The following CHD1L variants were observed in gnomAD, a reference collection of about 807,000 sequenced individuals.
CHD1L encodes chromodomain helicase DNA binding protein 1 like.
In CHD1L, 118 loss-of-function variants were observed where a neutral mutation model predicts 115.9. The ratio of observed to expected loss-of-function variants is 1.02; its 90% CI spans 0.88 to 1.19. The LOEUF is 1.19. Among genes scored for constraint, CHD1L ranks in the 50% most tolerant of loss-of-function variants. The pLI is 0.00. For synonymous variants in CHD1L, 411 were observed against 387.1 expected (o/e 1.06, Z -0.72); for missense variants, 1,179 against 1,065.3 (o/e 1.11, Z -1.49).
At chr1:147,254,433 C>T (rs1189896158) in intron 2 of CHD1L, among the ~76,000 whole-genome samples, 1 of 152,098 alleles carries the variant, frequency 6.6e-6, no homozygotes, top group Admixed American at 6.5e-5. Flanking sequence ...AAGCATCCTC[C>T]CTCACTCGGG....
At chr1:147,232,998 C>T in the CHD1L span, among the ~76,000 whole-genome samples, 1 of 152,006 alleles carries the variant, frequency 6.6e-6, no homozygotes, top group Non-Finnish European at 1.5e-5. Context: ...CCTGGCTGCC[C>T]AGTCTGGAAA....
chr1:147,272,680 A>G (rs1370839848), intron 12 of CHD1L, among the ~76,000 whole-genome samples: 2 of 152,224 alleles, frequency 1.3e-5, no homozygotes, highest in Non-Finnish European at 2.9e-5. Flanking sequence ...TTTCTGGAAT[A>G]GTGCTGAAAA....
At chr1:147,264,252 C>T (rs587668847) in intron 6 of CHD1L, among the ~76,000 whole-genome samples, 170 bp from the exon 7 acceptor site, 1 of 152,300 alleles carries the variant, frequency 6.6e-6, no homozygotes, top group East Asian at 1.9e-4. Context: ...ATTATTTCAT[C>T]TGCATCAAAC....
At chr1:147,187,705 G>A in the CHD1L span, among the ~76,000 whole-genome samples, 775 of 152,294 alleles carry the variant, frequency 5.1e-3, 6 homozygotes, top group African/African-American at 0.017. Flanking sequence ...CAGGGCCAAT[G>A]TTAATTTGGA....
the CHD1L span, chr1:147,224,175 C>T: frequency 7.4e-6 from 2 of 270,784 alleles, no homozygotes; most frequent in Non-Finnish European, 1.5e-5. Context: ...CACAGGTTCA[C>T]TAGGAAGACA....
At chr1:147,201,074 G>T in the CHD1L span, 2 of 982,116 alleles carry the variant, frequency 2.0e-6, no homozygotes, top group Non-Finnish European at 3.1e-6. Flanking sequence ...GCTATCTCTA[G>T]CTATTTAAAA....
chr1:147,215,089 A>G, the CHD1L span: 1 of 152,188 alleles, frequency 6.6e-6, no homozygotes, highest in African/African-American at 2.4e-5. Flanking sequence ...ATGATCAGAA[A>G]TTATAGAAAA....
chr1:147,278,113 C>T (rs1553959233), intron 14 of CHD1L, among the ~76,000 whole-genome samples: 1 of 152,052 alleles, frequency 6.6e-6, no homozygotes, highest in Non-Finnish European at 1.5e-5. Flanking sequence ...TTTATCTCTT[C>T]CCCATGCAGA....
chr1:147,179,215 G>A, the CHD1L span: 2 of 1,613,870 alleles, frequency 1.2e-6, no homozygotes, highest in African/African-American at 2.7e-5. Context: ...CCTGAAGTCT[G>A]AACCTATCCC....
chr1:147,259,626 T>C, intron 5 of CHD1L: 1 of 391,270 alleles, frequency 2.6e-6, no homozygotes, highest in Non-Finnish European at 4.6e-6. Context: ...CCCATTTTGT[T>C]AAAAAAAAAA....
the CHD1L span, chr1:147,201,522 G>C: frequency 6.3e-7 from 1 of 1,582,342 alleles, no homozygotes; most frequent in South Asian, 1.1e-5. Context: ...TCGTGACAAA[G>C]ATCAAGTGGA....
the CHD1L span, chr1:147,179,683 C>A: frequency 1.0e-6 from 1 of 972,570 alleles, no homozygotes; most frequent in Non-Finnish European, 1.6e-6. Context: ...ATGGGAAAAC[C>A]ACTGGGGAGG....
At chr1:147,234,995 T>A in the CHD1L span, among the ~76,000 whole-genome samples, 3 of 152,184 alleles carry the variant, frequency 2.0e-5, no homozygotes. Context: ...CATAAATGTA[T>A]AACCATCTTG....
chr1:147,274,237 T>G (rs1266770017), intron 12 of CHD1L, among the ~76,000 whole-genome samples: 5 of 152,190 alleles, frequency 3.3e-5, no homozygotes, highest in African/African-American at 1.2e-4. Flanking sequence ...CCGACAGGGT[T>G]GTTGTGAGGG....
At chr1:147,176,610 A>G in the CHD1L span, among the ~76,000 whole-genome samples, 1 of 152,206 alleles carries the variant, frequency 6.6e-6, no homozygotes, top group Non-Finnish European at 1.5e-5. Context: ...CTCTAAATAG[A>G]TATGGTGTAT....
chr1:147,190,904 A>C, the CHD1L span, among the ~76,000 whole-genome samples: 1 of 151,978 alleles, frequency 6.6e-6, no homozygotes, highest in African/African-American at 2.4e-5. Flanking sequence ...TGATTGTTCA[A>C]TTCCCACCTA....
the CHD1L span, chr1:147,187,198 G>A: frequency 6.2e-7 from 1 of 1,613,998 alleles, no homozygotes; most frequent in Non-Finnish European, 8.5e-7. Context: ...CTCTTCCATG[G>A]TATCTATGTA....
chr1:147,203,084 A>T, the CHD1L span, among the ~76,000 whole-genome samples: 1 of 148,776 alleles, frequency 6.7e-6, no homozygotes, highest in African/African-American at 2.5e-5. Context: ...TCTTCATTCC[A>T]TACTTTTTAT....
upstream of CHD1L, among the ~76,000 whole-genome samples, chr1:147,240,398 G>A (rs1205547810): frequency 1.3e-5 from 2 of 152,186 alleles, no homozygotes; most frequent in Non-Finnish European, 2.9e-5. Context: ...GCGGAAGGCC[G>A]CAGGGACCTC....
Sources: gnomAD v4.1 joint callset for allele counts (sites outside exome capture counted in the v4.1 genomes callset) on GRCh38, gnomAD v4.1.1 for gene constraint, MANE v1.5 for transcripts, NCBI Gene and HGNC (gene_info 2026-07-23, HGNC 2026-07-21) for gene names.